Variants in PCDH15 observed in about 807,000 individuals in gnomAD.
PCDH15 encodes protocadherin-15.
PCDH15 carries 129 observed loss-of-function variants against 178.5 expected under a neutral mutation model. The ratio of observed to expected loss-of-function variants is 0.72; its 90% CI spans 0.63 to 0.84. The LOEUF is 0.84. Ranked by LOEUF, PCDH15 falls within the 40% of genes least tolerant of loss-of-function variation. The pLI is 0.00. For missense variants in PCDH15, 2,230 were observed against 2,099.9 expected, an observed-to-expected ratio of 1.06 and a Z score of -1.21; for synonymous variants, 800 against 732.0, an observed-to-expected ratio of 1.09 and a Z score of -1.50.
chr10:54,559,318 C>T (rs1046185141), intron 2 of PCDH15, among the ~76,000 whole-genome samples: 1 of 151,922 alleles, frequency 6.6e-6, no homozygotes, highest in Non-Finnish European at 1.5e-5. Flanking sequence ...CTAGTAGATA[C>T]TCTTTTAACA....
intron 2 of PCDH15, among the ~76,000 whole-genome samples, chr10:55,512,660 G>C (rs1484736426): frequency 6.6e-6 from 1 of 152,084 alleles, no homozygotes; most frequent in Non-Finnish European, 1.5e-5. Flanking sequence ...GCAGTTGGAA[G>C]AATGAAGTGT....
At chr10:53,838,486 A>C (rs555935241) in intron 29 of PCDH15, among the ~76,000 whole-genome samples, 1 of 152,196 alleles carries the variant, frequency 6.6e-6, no homozygotes, top group East Asian at 1.9e-4. Context: ...AATCTCTAGA[A>C]GGTTTGCTAG....
intron 10 of PCDH15, among the ~76,000 whole-genome samples, chr10:54,202,954 A>T (rs2050405545): frequency 6.6e-6 from 1 of 152,164 alleles, no homozygotes; most frequent in South Asian, 2.1e-4. Context: ...ACTTTCACAG[A>T]CATTATTCTG....
rs538501254 is a variant in PCDH15, at chr10:53,982,024, C to A, written c.2868+13625G>T. ...AGGTGGCAAAGGATATGAACAGACA[C>A]TTTTCAAAAGAAGATATTTATGCAG... is the stretch of plus-strand genomic sequence containing the variant. On this transcript the variant is annotated intron_variant, in intron 21 of 37. Coordinates refer to ENST00000644397, the MANE Select transcript of PCDH15 (RefSeq NM_001384140.1). Among the ~76,000 whole-genome samples the A allele has an allele frequency of 3.3e-5, 5 of 152,296 alleles. No individual in the cohort carries two copies. The South Asian group carries it at 1.0e-3, about 32-fold the overall frequency.
intron 8 of PCDH15, among the ~76,000 whole-genome samples, chr10:54,302,557 C>A (rs10825299): frequency 0.18 from 28,034 of 152,060 alleles, 2,802 homozygotes; most frequent in African/African-American, 0.24. Flanking sequence ...TAACTGTGAG[C>A]CAAAAGCAGG....
chr10:54,364,611 GCTTT>G (rs1946536128), intron 5 of PCDH15, among the ~76,000 whole-genome samples: 2 of 151,906 alleles, frequency 1.3e-5, no homozygotes, highest in African/African-American at 4.8e-5. Context: ...ATGTTTCCTT[GCTTT>G]TTTTTCTTTA....
chr10:54,170,087 A>T lies in PCDH15; in HGVS notation c.1590+13357T>A, dbSNP rs372292627. Among the ~76,000 whole-genome samples, 16 of 131,130 alleles carry T rather than the reference A, an allele frequency of 1.2e-4. 1 individual carries two copies. The highest frequency in any genetic ancestry group is 2.3e-4 in the Non-Finnish European group (14 of 61,294). 86.0% of individuals were successfully genotyped at this position (131,130 alleles called of 152,430 possible). ...CTTGGACTGACCCTGACACCCATCA[A>T]GCTCAGCAAATTACCTAGGCTGTAC... On this transcript the variant is annotated intron_variant, in intron 13 of 37. Coordinates refer to ENST00000644397, the MANE Select transcript of PCDH15 (RefSeq NM_001384140.1).
At chr10:55,625,570 T>C (rs570582909) in intron 2 of PCDH15, among the ~76,000 whole-genome samples, 1 of 152,246 alleles carries the variant, frequency 6.6e-6, no homozygotes, top group African/African-American at 2.4e-5. Context: ...GCACTAAACT[T>C]TGAGAAAAAC....
At chr10:54,026,950 C>T (rs376684043) in intron 18 of PCDH15, among the ~76,000 whole-genome samples, 2,688 of 149,380 alleles carry the variant, frequency 0.018, 78 homozygotes, top group African/African-American at 0.063. Context: ...GGCAATTAGG[C>T]AGGAGAAGGA....
chr10:54,952,872 A>T (rs1838381843), intron 2 of PCDH15, among the ~76,000 whole-genome samples: 1 of 151,636 alleles, frequency 6.6e-6, no homozygotes, highest in Non-Finnish European at 1.5e-5. Context: ...ATATTCACAT[A>T]TAGTTTCAGA....
intron 2 of PCDH15, among the ~76,000 whole-genome samples, chr10:55,016,962 T>TTA (rs1554823244): frequency 6.6e-6 from 1 of 150,988 alleles, no homozygotes; most frequent in African/African-American, 2.4e-5. Context: ...GCAGTTACAC[T>TTA]CACACACACA....
At chr10:55,570,059 G>A (rs1842376837) in intron 2 of PCDH15, among the ~76,000 whole-genome samples, 1 of 151,812 alleles carries the variant, frequency 6.6e-6, no homozygotes, top group Non-Finnish European at 1.5e-5. Flanking sequence ...TCTCAAACAT[G>A]GGATAGTAAG....
intron 5 of PCDH15, among the ~76,000 whole-genome samples, chr10:54,346,938 G>T (rs2134183572): frequency 6.6e-6 from 1 of 152,322 alleles, no homozygotes; most frequent in Non-Finnish European, 1.5e-5. Context: ...TTGAGAAAGA[G>T]AAATTGGAGA....
chr10:55,333,364 C>G (rs546456393), intron 2 of PCDH15, among the ~76,000 whole-genome samples: 1 of 151,548 alleles, frequency 6.6e-6, no homozygotes, highest in Non-Finnish European at 1.5e-5. Context: ...CAGTACAAAT[C>G]ATCTTTTTTT....
intron 1 of PCDH15, among the ~76,000 whole-genome samples, chr10:54,726,475 C>G (rs934723975): frequency 2.7e-5 from 4 of 147,192 alleles, no homozygotes; most frequent in African/African-American, 1.0e-4. Context: ...TTTGAATTGA[C>G]AGTGAATAGC....
intron 5 of PCDH15, among the ~76,000 whole-genome samples, chr10:54,362,838 C>A (rs1946257285): frequency 6.6e-6 from 1 of 151,884 alleles, no homozygotes; most frequent in Non-Finnish European, 1.5e-5. Flanking sequence ...TATAAATAGA[C>A]CGTAATTCAT....
At chr10:54,174,702 C>CTTT (rs1169302544) in intron 13 of PCDH15, among the ~76,000 whole-genome samples, 23,318 of 83,306 alleles carry the variant, frequency 0.28, 4,404 homozygotes, top group Non-Finnish European at 0.36. Flanking sequence ...TTTTTCTTTT[C>CTTT]TTTTTTTTTT....
chr10:53,844,233 T>C (rs1162862742), intron 28 of PCDH15, among the ~76,000 whole-genome samples: 1 of 151,982 alleles, frequency 6.6e-6, no homozygotes, highest in Non-Finnish European at 1.5e-5. Flanking sequence ...AATACTAAAG[T>C]AATATGATCT....
At chr10:54,115,110 G>A (rs373134062) in intron 15 of PCDH15, among the ~76,000 whole-genome samples, 1 of 152,058 alleles carries the variant, frequency 6.6e-6, no homozygotes. Flanking sequence ...CTAGGATTAG[G>A]GTGAAAGCAG....
Sources: allele counts gnomAD v4.1 joint callset (sites outside exome capture counted in the v4.1 genomes callset), GRCh38; gene constraint gnomAD v4.1.1; transcripts MANE v1.5; gene names NCBI Gene and HGNC (gene_info 2026-07-23, HGNC 2026-07-21).